PDLIM5: variants seen among roughly 807,000 people sequenced by gnomAD.
PDLIM5 encodes PDZ and LIM domain 5, also known as PDZ and LIM domain protein 5.
A neutral mutation model predicts 64.2 loss-of-function variants in PDLIM5; 34 were observed. The observed-to-expected ratio is 0.53, with a 90% CI of 0.40 to 0.71. The LOEUF is 0.71. Ranked by LOEUF, PDLIM5 falls within the 30% of genes least tolerant of loss-of-function variation. PDLIM5 has a pLI of 0.00. For missense variants in PDLIM5, 683 were observed against 733.6 expected (o/e 0.93, Z 0.80); for synonymous variants, 253 against 269.1 (o/e 0.94, Z 0.59).
intron 2 of PDLIM5, among the ~76,000 whole-genome samples, chr4:94,482,564 A>T (rs1161622670): frequency 6.6e-6 from 1 of 152,136 alleles, no homozygotes; most frequent in African/African-American, 2.4e-5. Flanking sequence ...TACTGTAATT[A>T]TATTAACCTG....
intron 2 of PDLIM5, among the ~76,000 whole-genome samples, chr4:94,470,695 C>T (rs1724793735): frequency 1.3e-5 from 2 of 152,094 alleles, no homozygotes; most frequent in South Asian, 4.1e-4. Flanking sequence ...AGATTTTCAG[C>T]CTTCAACATT....
chr4:94,585,360 G>A (rs1736094746), intron 5 of PDLIM5, among the ~76,000 whole-genome samples: 1 of 152,070 alleles, frequency 6.6e-6, no homozygotes, highest in African/African-American at 2.4e-5. Context: ...AAAGTGCTGG[G>A]ATTACAGGCG....
chr4:94,508,340 A>G (rs192404514), intron 2 of PDLIM5, among the ~76,000 whole-genome samples: 6 of 152,272 alleles, frequency 3.9e-5, no homozygotes, highest in Admixed American at 3.9e-4. Context: ...TAAACTTAGG[A>G]TTGTGAAAAA....
intron 2 of PDLIM5, chr4:94,457,091 C>T: frequency 1.2e-6 from 1 of 856,368 alleles, no homozygotes; most frequent in Non-Finnish European, 1.4e-6. Context: ...CACACACATA[C>T]TCTGCATCTT....
intron 7 of PDLIM5, chr4:94,611,126 C>T (rs1738329436): frequency 6.5e-7 from 1 of 1,534,026 alleles, no homozygotes; most frequent in Non-Finnish European, 8.7e-7. Flanking sequence ...TCAGCCCTGT[C>T]TCCAAGCCTT....
At chr4:94,663,932 T>C in intron 12 of PDLIM5, 46 bp from the exon 13 acceptor site, 2 of 1,569,454 alleles carry the variant, frequency 1.3e-6, no homozygotes, top group Non-Finnish European at 1.7e-6. Context: ...AAAATCCTCT[T>C]AATATCCTCT....
chr4:94,577,583 T>C (rs1735397162), intron 5 of PDLIM5, among the ~76,000 whole-genome samples: 1 of 42,796 alleles, frequency 2.3e-5, no homozygotes, highest in Admixed American at 2.1e-4. Context: ...GTCGTAATCT[T>C]TTTTTTTTTT....
At position 94,664,209 on chromosome 4, in the gene PDLIM5, C is replaced by A; in HGVS notation, c.*142C>A. The stretch of plus-strand genomic sequence containing the variant: ...AAGGAATAAATTCCAGCTTTAAAAA[C>A]CAAGTCTGAGGAAATATTTGGCTTC... On this transcript the variant is annotated 3_prime_UTR_variant, in exon 13 of 13. Transcript: ENST00000317968. 1 of 1,220,876 alleles carries A rather than the reference C, an allele frequency of 8.2e-7. No homozygotes were observed. Among genetic ancestry groups the A allele is most frequent in the Non-Finnish European group, 1.0e-6 (1 of 970,962 alleles). 75.6% of individuals were successfully genotyped at this position (1,220,876 alleles called of 1,614,324 possible).
At chr4:94,529,715 A>G (rs1406186251) in intron 3 of PDLIM5, among the ~76,000 whole-genome samples, 1 of 152,168 alleles carries the variant, frequency 6.6e-6, no homozygotes, top group East Asian at 1.9e-4. Flanking sequence ...AAAAGTGTGA[A>G]TGGTTTTATT....
chr4:94,666,045 C>T lies in PDLIM5; in HGVS notation c.*1978C>T, dbSNP rs935457460. 7 of 1,529,928 alleles carry T rather than the reference C, an allele frequency of 4.6e-6. No individual in the cohort carries two copies. The African/African-American group carries it at 5.5e-5, about 12-fold the overall frequency. 94.8% of individuals were successfully genotyped at this position (1,529,928 alleles called of 1,614,324 possible). ...TCCAGAATGGATGAAAGTCCATGAA[C>T]CTCCTAAGTTATAATTTAAATTTGT... is the stretch of plus-strand genomic sequence containing the variant. On this transcript the variant is annotated 3_prime_UTR_variant, in exon 13 of 13. Coordinates refer to ENST00000317968, the MANE Select transcript of PDLIM5 (RefSeq NM_006457.5).
At chr4:94,534,164 T>C (rs2110164263) in intron 3 of PDLIM5, among the ~76,000 whole-genome samples, 1 of 152,312 alleles carries the variant, frequency 6.6e-6, no homozygotes, top group East Asian at 1.9e-4. Flanking sequence ...ACGATGCAAA[T>C]GTAGTTCTTC....
At chr4:94,528,036 G>A (rs1208523976) in intron 3 of PDLIM5, among the ~76,000 whole-genome samples, 6 of 152,112 alleles carry the variant, frequency 3.9e-5, no homozygotes, top group Non-Finnish European at 5.9e-5. Flanking sequence ...TCAGAAGGTC[G>A]TGTTCTTTGT....
intron 2 of PDLIM5, among the ~76,000 whole-genome samples, chr4:94,485,380 AT>A (rs1726221256): frequency 1.3e-5 from 2 of 152,184 alleles, no homozygotes; most frequent in African/African-American, 4.8e-5. Context: ...TTGATTACAT[AT>A]TATTATTGTG....
rs1578185491 is a variant in PDLIM5, at chr4:94,456,096, A to G, written c.96+712A>G. The G allele has an allele frequency of 4.9e-6, 4 of 814,232 alleles. No individual in the cohort carries two copies. The East Asian group carries it at 9.1e-5, about 18-fold the overall frequency. 50.4% of individuals were successfully genotyped at this position (814,232 alleles called of 1,614,324 possible). On this transcript the variant is annotated intron_variant, in intron 2 of 12. Transcript: ENST00000317968. ...CAGGTACTGTTTCACTTTCATCACC[A>G]GTAGGTAATTATTACTATTATATAA...
At chr4:94,559,795 T>C (rs1733681363) in intron 3 of PDLIM5, among the ~76,000 whole-genome samples, 1 of 152,232 alleles carries the variant, frequency 6.6e-6, no homozygotes, top group East Asian at 1.9e-4. Flanking sequence ...CCATTATGAC[T>C]GGGCCTTTGG....
At chr4:94,558,553 A>G (rs1213715855) in intron 3 of PDLIM5, among the ~76,000 whole-genome samples, 1 of 152,206 alleles carries the variant, frequency 6.6e-6, no homozygotes, top group African/African-American at 2.4e-5. Context: ...AGGTGGTGTT[A>G]CAGCAGCCCA....
chr4:94,544,825 T>G (rs781070456), intron 3 of PDLIM5, among the ~76,000 whole-genome samples: 1 of 152,206 alleles, frequency 6.6e-6, no homozygotes, highest in African/African-American at 2.4e-5. Context: ...CCGGCTAATA[T>G]CTTGTCAGCT....
In PDLIM5 at chr4:94,542,331, T is replaced by G. The variant is rs79581715; in HGVS notation, c.248+18456T>G. 3.5e-3 allele frequency among the ~76,000 whole-genome samples: 530 copies of G among 151,188 alleles called. 12 individuals are homozygous for G. The East Asian group carries it at 0.069, about 20-fold the overall frequency. On this transcript the variant is annotated intron_variant, in intron 3 of 12. Transcript: ENST00000317968. ...TCAAATAAATAAATAAATAAATAAA[T>G]AAAGTAAGTAAGTAAGTAAGTGGTC...
At chr4:94,587,228 G>A in intron 7 of PDLIM5, 1 of 1,379,080 alleles carries the variant, frequency 7.3e-7, no homozygotes, top group East Asian at 3.3e-5. Flanking sequence ...CTATTGTTGT[G>A]AGAAAAGGAA....
Sources: gnomAD v4.1 joint callset for allele counts (sites outside exome capture counted in the v4.1 genomes callset) on GRCh38, gnomAD v4.1.1 for gene constraint, MANE v1.5 for transcripts, NCBI Gene and HGNC (gene_info 2026-07-23, HGNC 2026-07-21) for gene names.